OR6N1: variants seen among roughly 807,000 people sequenced by gnomAD.
OR6N1 encodes olfactory receptor family 6 subfamily N member 1.
For missense variants in OR6N1, 394 were observed against 371.7 expected (o/e 1.06, Z -0.49); for synonymous variants, 170 against 150.7 (o/e 1.13, Z -0.94).
At chr1:158,782,151 A>G in the OR6N1 span, among the ~76,000 whole-genome samples, 37 of 152,236 alleles carry the variant, frequency 2.4e-4, no homozygotes, top group Admixed American at 7.2e-4. Flanking sequence ...ATGTACCCTC[A>G]GGCAGTTGTG....
At chr1:158,797,937 C>T in the OR6N1 span, among the ~76,000 whole-genome samples, 1 of 152,020 alleles carries the variant, frequency 6.6e-6, no homozygotes, top group Non-Finnish European at 1.5e-5. Context: ...GATTTTTTAA[C>T]TTCTAATTTA....
the OR6N1 span, among the ~76,000 whole-genome samples, chr1:158,813,900 A>G: frequency 6.6e-6 from 1 of 151,804 alleles, no homozygotes; most frequent in African/African-American, 2.4e-5. Flanking sequence ...GAGTTTCACC[A>G]TGTTGCCCAG....
the OR6N1 span, among the ~76,000 whole-genome samples, chr1:158,808,125 T>C: frequency 2.5e-5 from 1 of 39,384 alleles, no homozygotes; most frequent in Non-Finnish European, 3.9e-5. Context: ...GACTGCCTTT[T>C]TTTTTTTTTT....
At chr1:158,819,470 G>GT in the OR6N1 span, among the ~76,000 whole-genome samples, 4 of 151,928 alleles carry the variant, frequency 2.6e-5, no homozygotes, top group South Asian at 2.1e-4. Flanking sequence ...ACATTTTAAA[G>GT]TTTTTTTTGA....
upstream of OR6N1, chr1:158,774,865 A>G (rs1481465699): frequency 6.6e-6 from 1 of 152,226 alleles, no homozygotes; most frequent in Non-Finnish European, 1.5e-5. Context: ...CAAATAGGGA[A>G]GACCGATGCA....
the OR6N1 span, among the ~76,000 whole-genome samples, chr1:158,800,342 C>A: frequency 1.3e-5 from 2 of 152,040 alleles, no homozygotes; most frequent in Non-Finnish European, 2.9e-5. Flanking sequence ...AAAAAAAAAT[C>A]AAGGATTTGA....
the OR6N1 span, among the ~76,000 whole-genome samples, chr1:158,785,024 C>G: frequency 6.6e-6 from 1 of 152,160 alleles, no homozygotes; most frequent in Non-Finnish European, 1.5e-5. Context: ...AAACTGTAAG[C>G]TTTTTGAGGG....
At chr1:158,803,106 G>C in the OR6N1 span, among the ~76,000 whole-genome samples, 1 of 152,024 alleles carries the variant, frequency 6.6e-6, no homozygotes, top group Non-Finnish European at 1.5e-5. Flanking sequence ...AGATACGGAG[G>C]TAACCATAAA....
the OR6N1 span, among the ~76,000 whole-genome samples, chr1:158,831,969 G>T: frequency 6.6e-6 from 1 of 151,970 alleles, no homozygotes; most frequent in African/African-American, 2.4e-5. Context: ...TCTATTATAT[G>T]ATTTTATCTC....
chr1:158,780,536 G>A, the OR6N1 span, among the ~76,000 whole-genome samples: 13 of 152,142 alleles, frequency 8.5e-5, no homozygotes, highest in Non-Finnish European at 1.5e-4. Flanking sequence ...AGCTGAAAAC[G>A]CATGTAATAT....
At chr1:158,832,699 T>C in the OR6N1 span, among the ~76,000 whole-genome samples, 1 of 151,904 alleles carries the variant, frequency 6.6e-6, no homozygotes, top group Non-Finnish European at 1.5e-5. Flanking sequence ...AAGCCTATTT[T>C]AAGCTACACT....
rs2102006988 is a variant in OR6N1, at chr1:158,766,501, T to C, written c.182A>G (p.His61Arg). The change falls in exon 2 of 2, where the codon CAC becomes CGC. Residue 61 changes from histidine to arginine, a missense_variant. His to Arg is a conservative substitution (Grantham distance 29). Transcript: ENST00000641846. The stretch of plus-strand genomic sequence containing the variant: ...TGAGAAGGAGAGAATGCTGACAAAG[T>C]GGTACATGGGTGTGTGAAGCCGGGA... ...LDSRLHTPMY[H>R]FVSILSFSEL... is the part of the protein sequence containing the mutation. The C allele has an allele frequency of 1.2e-6, 2 of 1,613,926 alleles. No individual in the cohort carries two copies. Among genetic ancestry groups the C allele is most frequent in the East Asian group, 2.2e-5 (1 of 44,870 alleles).
At chr1:158,787,604 C>CTA in the OR6N1 span, among the ~76,000 whole-genome samples, 7 of 130,082 alleles carry the variant, frequency 5.4e-5, no homozygotes, top group East Asian at 1.5e-3. Flanking sequence ...CTCTCTCTCT[C>CTA]TCTATCTATC....
At chr1:158,828,584 C>T in the OR6N1 span, among the ~76,000 whole-genome samples, 5 of 152,226 alleles carry the variant, frequency 3.3e-5, no homozygotes, top group Admixed American at 1.3e-4. Context: ...AGGGAACAGC[C>T]TCCCTCCTGA....
chr1:158,821,789 G>C, the OR6N1 span, among the ~76,000 whole-genome samples: 1 of 152,196 alleles, frequency 6.6e-6, no homozygotes, highest in East Asian at 1.9e-4. Context: ...ACTCCTTTGG[G>C]TAAATACCAC....
chr1:158,831,736 A>G, the OR6N1 span, among the ~76,000 whole-genome samples: 1 of 152,304 alleles, frequency 6.6e-6, no homozygotes, highest in East Asian at 1.9e-4. Context: ...TTCTACCACA[A>G]TTGGGGTATG....
chr1:158,787,888 T>G, the OR6N1 span, among the ~76,000 whole-genome samples: 1 of 152,054 alleles, frequency 6.6e-6, no homozygotes, highest in Non-Finnish European at 1.5e-5. Flanking sequence ...ATACAGAGAC[T>G]TTTAGAGCCT....
the OR6N1 span, among the ~76,000 whole-genome samples, chr1:158,839,282 G>A: frequency 2.0e-5 from 3 of 152,260 alleles, no homozygotes; most frequent in South Asian, 4.1e-4. Flanking sequence ...CTATATGGAC[G>A]TGTGTCTTGC....
chr1:158,823,340 A>G, the OR6N1 span, among the ~76,000 whole-genome samples: 1 of 151,952 alleles, frequency 6.6e-6, no homozygotes, highest in Non-Finnish European at 1.5e-5. Context: ...GTCTGGTCTG[A>G]GGCTTTTTTT....
Sources: gnomAD v4.1 joint callset for allele counts (sites outside exome capture counted in the v4.1 genomes callset) on GRCh38, gnomAD v4.1.1 for gene constraint, MANE v1.5 for transcripts, NCBI Gene and HGNC (gene_info 2026-07-23, HGNC 2026-07-21) for gene names.